The following ROS1 variants were observed in gnomAD, a reference collection of about 807,000 sequenced individuals.
ROS1 encodes proto-oncogene tyrosine-protein kinase ROS.
In ROS1, 263 loss-of-function variants were observed where a neutral mutation model predicts 273.5. That is an observed-to-expected ratio of 0.96 (90% CI 0.87 to 1.06). The LOEUF is 1.06. Ranked by LOEUF, ROS1 falls within the 50% of genes least tolerant of loss-of-function variation. The pLI is 0.00. For missense variants in ROS1, 2,833 were observed against 2,751.1 expected (o/e 1.03, Z -0.67); for synonymous variants, 1,008 against 954.1 (o/e 1.06, Z -1.04).
At chr6:117,371,057 C>T (rs957238494) in intron 18 of ROS1, among the ~76,000 whole-genome samples, 6 of 152,138 alleles carry the variant, frequency 3.9e-5, no homozygotes, top group Non-Finnish European at 7.4e-5. Flanking sequence ...CAGATCAGTT[C>T]CCAAAATAGT....
At chr6:117,390,420 C>G (rs1772975555) in intron 12 of ROS1, among the ~76,000 whole-genome samples, 1 of 152,066 alleles carries the variant, frequency 6.6e-6, no homozygotes, top group Non-Finnish European at 1.5e-5. Context: ...AGCCACCAGC[C>G]CTGGCCAGGA....
intron 42 of ROS1, among the ~76,000 whole-genome samples, chr6:117,306,321 T>C (rs1303280352): frequency 6.6e-6 from 1 of 152,138 alleles, no homozygotes; most frequent in Non-Finnish European, 1.5e-5. Flanking sequence ...GGTGAACCTC[T>C]GTGTTCTCCC....
intron 24 of ROS1, among the ~76,000 whole-genome samples, chr6:117,358,955 A>G (rs1779555471): frequency 6.6e-6 from 1 of 152,176 alleles, no homozygotes; most frequent in Non-Finnish European, 1.5e-5. Flanking sequence ...GACCATGTTA[A>G]TGACCCACTA....
At chr6:117,355,933 T>C (rs957674209) in intron 26 of ROS1, among the ~76,000 whole-genome samples, 79 of 152,266 alleles carry the variant, frequency 5.2e-4, no homozygotes, top group African/African-American at 1.8e-3. Context: ...AATTTAAACT[T>C]AAATAACCAC....
intron 18 of ROS1, among the ~76,000 whole-genome samples, chr6:117,377,680 A>C (rs1009964939): frequency 6.6e-6 from 1 of 152,238 alleles, no homozygotes; most frequent in African/African-American, 2.4e-5. Context: ...CACAGAAAGC[A>C]CAGAATATAG....
chr6:117,362,450 A>G (rs1172169773), intron 22 of ROS1, among the ~76,000 whole-genome samples, 153 bp downstream of exon 22: 7 of 152,040 alleles, frequency 4.6e-5, no homozygotes, highest in Non-Finnish European at 1.0e-4. Flanking sequence ...ACCTCCATTA[A>G]TTTTCTCACA....
intron 1 of ROS1, among the ~76,000 whole-genome samples, chr6:117,424,018 A>G (rs1425240837): frequency 6.6e-6 from 1 of 152,168 alleles, no homozygotes; most frequent in African/African-American, 2.4e-5. Context: ...CAACAAAGGA[A>G]CAAACTGTCT....
chr6:117,364,913 T>C lies in ROS1; in HGVS notation c.3103+147A>G. On this transcript the variant is annotated intron_variant, in intron 21 of 43. Coordinates refer to ENST00000368507, the MANE Select transcript of ROS1 (RefSeq NM_001378902.1). The stretch of plus-strand genomic sequence containing the variant: ...CATATTTATGTTAATGACGCTATTC[T>C]AATCTCCAAAAAGTCATTGAAAGGG... The C allele has an allele frequency of 4.4e-6, 3 of 687,510 alleles. No individual in the cohort carries two copies. The East Asian group carries it at 8.3e-5, about 19-fold the overall frequency. 42.6% of individuals were successfully genotyped at this position (687,510 alleles called of 1,614,324 possible).
intron 43 of ROS1, among the ~76,000 whole-genome samples, chr6:117,289,738 A>G (rs1283673161): frequency 6.6e-6 from 1 of 151,992 alleles, no homozygotes; most frequent in Admixed American, 6.6e-5. Context: ...GAATAGTTAG[A>G]TGTGTTGTAA....
At chr6:117,363,291 G>C (rs1460375700) in intron 21 of ROS1, among the ~76,000 whole-genome samples, 1 of 152,162 alleles carries the variant, frequency 6.6e-6, no homozygotes, top group East Asian at 1.9e-4. Context: ...AGCCAGTTCA[G>C]GTTGTAAAAC....
intron 43 of ROS1, among the ~76,000 whole-genome samples, chr6:117,299,834 TTAAG>T (rs1296699474): frequency 2.0e-5 from 3 of 152,288 alleles, no homozygotes; most frequent in African/African-American, 4.8e-5. Flanking sequence ...TAGAAATGAA[TTAAG>T]TGACTACTGT....
rs977286616 is a variant in ROS1, at chr6:117,308,404, A to C, written c.6551+390T>G. On this transcript the variant is annotated intron_variant, in intron 42 of 43. Transcript: ENST00000368507. ...TAACAATATATTCCCATTTAGTATA[A>C]TATTTTAATATGTAGATTAAGATAC... 3.9e-5 allele frequency among the ~76,000 whole-genome samples: 6 copies of C among 152,082 alleles called. 1 individual carries two copies. Among genetic ancestry groups the C allele is most frequent in the African/African-American group, 1.4e-4 (6 of 41,422 alleles).
At chr6:117,359,673 A>G (rs1195399336) in intron 24 of ROS1, 136 bp downstream of exon 24, 1 of 709,156 alleles carries the variant, frequency 1.4e-6, no homozygotes, top group Non-Finnish European at 2.3e-6. Flanking sequence ...ATTTGTGGCT[A>G]AATAATTATA....
intron 18 of ROS1, among the ~76,000 whole-genome samples, chr6:117,373,787 G>A (rs1445138972): frequency 2.0e-5 from 3 of 152,234 alleles, no homozygotes; most frequent in African/African-American, 7.2e-5. Flanking sequence ...CAGACATCAA[G>A]GCCAAAGAGG....
At chr6:117,388,059 C>T (rs1268482062) in intron 13 of ROS1, 67 bp from the exon 14 acceptor site, 3 of 1,603,404 alleles carry the variant, frequency 1.9e-6, no homozygotes, top group Non-Finnish European at 2.6e-6. Context: ...CAAGGATTCT[C>T]CATAAATTCA....
At chr6:117,289,222 A>C (rs894541123) in intron 43 of ROS1, among the ~76,000 whole-genome samples, 1 of 152,182 alleles carries the variant, frequency 6.6e-6, no homozygotes, top group Non-Finnish European at 1.5e-5. Flanking sequence ...ACAGCAACTG[A>C]AATATCTAAT....
chr6:117,418,961 A>G (rs1775547498), intron 1 of ROS1, among the ~76,000 whole-genome samples: 1 of 152,182 alleles, frequency 6.6e-6, no homozygotes, highest in African/African-American at 2.4e-5. Context: ...TTTATACTGG[A>G]GGAAAATAAA....
In ROS1 at chr6:117,342,487, T is replaced by C. The variant is rs780225613; in HGVS notation, c.4564A>G (p.Ile1522Val). The change falls in exon 29 of 44, where the codon ATA becomes GTA. Residue 1522 changes from isoleucine to valine, a missense_variant. By Grantham distance (29) the Ile-to-Val change is conservative (BLOSUM62 3). Coordinates refer to ENST00000368507, the MANE Select transcript of ROS1 (RefSeq NM_001378902.1). ...TAATAATTTTTTACAGCTATCTGTA[T>C]CATGTATGTTGAAAATGGTTGTAAA... Reference protein sequence around the residue: ...EDLQPFSTYMIQIAVKNYYSD... With the variant: ...EDLQPFSTYMVQIAVKNYYSD... The C allele has an allele frequency of 6.2e-7, 1 of 1,603,642 alleles. No homozygotes were observed. Among genetic ancestry groups the C allele is most frequent in the Non-Finnish European group, 8.5e-7 (1 of 1,171,518 alleles).
intron 9 of ROS1, 46 bp from the exon 10 acceptor site, chr6:117,394,784 T>C: frequency 6.5e-7 from 1 of 1,527,714 alleles, no homozygotes; most frequent in Non-Finnish European, 8.8e-7. Context: ...CAACCACAGG[T>C]ACACTAACAG....
Sources: allele counts gnomAD v4.1 joint callset (sites outside exome capture counted in the v4.1 genomes callset), GRCh38; gene constraint gnomAD v4.1.1; transcripts MANE v1.5; gene names NCBI Gene and HGNC (gene_info 2026-07-23, HGNC 2026-07-21).